TLN2: variants seen among roughly 807,000 people sequenced by gnomAD.
TLN2 encodes the protein talin 2, also known as talin-2.
A neutral mutation model predicts 294.7 loss-of-function variants in TLN2; 118 were observed. The observed-to-expected ratio is 0.40, with a 90% CI of 0.34 to 0.47. TLN2 has a LOEUF of 0.47. Among genes scored for constraint, TLN2 ranks in the 20% least tolerant of loss-of-function variants. The pLI is 0.84. For missense variants in TLN2, 3,083 were observed against 3,282.2 expected, an observed-to-expected ratio of 0.94 and a Z score of 1.48; for synonymous variants, 1,431 against 1,304.5, an observed-to-expected ratio of 1.10 and a Z score of -2.09.
chr15:62,698,019 A>T, intron 15 of TLN2, 151 bp downstream of exon 15: 1 of 1,027,704 alleles, frequency 9.7e-7, no homozygotes, highest in South Asian at 1.7e-5. Flanking sequence ...TTTAAATTGG[A>T]TGACTCGGAT....
intron 1 of TLN2, among the ~76,000 whole-genome samples, chr15:62,525,024 T>G (rs556031358): frequency 2.7e-4 from 41 of 152,236 alleles, no homozygotes; most frequent in Non-Finnish European, 5.7e-4. Flanking sequence ...ATAGTCATCG[T>G]GATAGCATCT....
chr15:62,490,419 A>G (rs949065791), intron 1 of TLN2, among the ~76,000 whole-genome samples: 3 of 152,220 alleles, frequency 2.0e-5, no homozygotes, highest in Non-Finnish European at 4.4e-5. Flanking sequence ...CTGTGGCAGT[A>G]GGGCCTTCAG....
intron 3 of TLN2, chr15:62,644,778 C>T (rs1309528979): frequency 5.7e-6 from 2 of 349,330 alleles, no homozygotes; most frequent in African/African-American, 4.3e-5. Flanking sequence ...CCTGCTGTTA[C>T]ATTTGGCTCT....
intron 42 of TLN2, among the ~76,000 whole-genome samples, chr15:62,775,386 C>G (rs1322730794): frequency 6.6e-6 from 1 of 152,170 alleles, no homozygotes; most frequent in African/African-American, 2.4e-5. Context: ...ATAAAGCAAT[C>G]TGCACATTTT....
At chr15:62,408,945 C>T (rs1393803945) in intron 1 of TLN2, among the ~76,000 whole-genome samples, 1 of 151,964 alleles carries the variant, frequency 6.6e-6, no homozygotes, top group Non-Finnish European at 1.5e-5. Flanking sequence ...CAGGTGACAG[C>T]CAGCATGCCT....
At position 62,469,344 on chromosome 15, in the gene TLN2, G is replaced by T. The variant is rs147609176; in HGVS notation, c.-238+78659G>T. On this transcript the variant is annotated intron_variant, in intron 1 of 58. Coordinates refer to ENST00000636159, the MANE Select transcript of TLN2 (RefSeq NM_015059.3). ...CACACACAGTGAATCAGAAGACAAAGTGTGTGAGTTGATCTGTCTCAAAAG... is the reference window on the plus strand; with the variant it reads ...CACACACAGTGAATCAGAAGACAAATTGTGTGAGTTGATCTGTCTCAAAAG... Among the ~76,000 whole-genome samples, 204 of 152,322 alleles carry T rather than the reference G, an allele frequency of 1.3e-3. 1 individual carries two copies. The highest frequency in any genetic ancestry group is 4.6e-3 in the African/African-American group (193 of 41,564).
Position 62,675,230 on chromosome 15 carries a change from G to C in TLN2, c.866G>C (p.Cys289Ser). ...TCACTTTTGCAGGAGCATAAGAACT[G>C]CGGAGAGATGAGTGAGATAGAAGCC... Reference protein sequence around the residue: ...EKRIFQEHKNCGEMSEIEAKV... With the variant: ...EKRIFQEHKNSGEMSEIEAKV... The change falls in exon 11 of 59, where the codon TGC becomes TCC. Residue 289 changes from cysteine to serine, a missense_variant. Coordinates refer to ENST00000636159, the MANE Select transcript of TLN2 (RefSeq NM_015059.3). 6.2e-7 allele frequency: 1 copy of C among 1,614,226 alleles called. No homozygotes were observed. Among genetic ancestry groups the C allele is most frequent in the Non-Finnish European group, 8.5e-7 (1 of 1,180,038 alleles).
chr15:62,435,945 A>C (rs544416456), intron 1 of TLN2, among the ~76,000 whole-genome samples: 1 of 152,290 alleles, frequency 6.6e-6, no homozygotes, highest in South Asian at 2.1e-4. Context: ...AATTTGTTTT[A>C]TGTAGTCAAA....
At chr15:62,584,495 C>T (rs185239238) in intron 1 of TLN2, among the ~76,000 whole-genome samples, 12 of 152,310 alleles carry the variant, frequency 7.9e-5, no homozygotes, top group Non-Finnish European at 1.0e-4. Context: ...TGTCTACTTG[C>T]TCTTCATTGA....
intron 1 of TLN2, among the ~76,000 whole-genome samples, chr15:62,477,501 C>T (rs1402192177): frequency 6.6e-6 from 1 of 152,150 alleles, no homozygotes; most frequent in African/African-American, 2.4e-5. Context: ...AACCTGTTAC[C>T]ATCACCTGCA....
At chr15:62,699,308 C>T (rs989999838) in intron 16 of TLN2, among the ~76,000 whole-genome samples, 5 of 152,136 alleles carry the variant, frequency 3.3e-5, no homozygotes, top group African/African-American at 7.2e-5. Context: ...TATTGCTACC[C>T]GTGGTTCTCA....
chr15:62,486,893 A>G (rs573287025), intron 1 of TLN2, among the ~76,000 whole-genome samples: 23 of 151,740 alleles, frequency 1.5e-4, no homozygotes, highest in African/African-American at 5.6e-4. Flanking sequence ...CGATACAGGT[A>G]GAAGGGCTAA....
Position 62,530,976 on chromosome 15 carries a change from A to G in TLN2, c.-237-58711A>G, listed in dbSNP as rs1459252880. The stretch of plus-strand genomic sequence containing the variant: ...TTAGAGCTCTTAATTAAGTTAGTCT[A>G]TTGTTTTAGTCGTGAATAATTTTTC... On this transcript the variant is annotated intron_variant, in intron 1 of 58. Coordinates refer to ENST00000636159, the MANE Select transcript of TLN2 (RefSeq NM_015059.3). Among the ~76,000 whole-genome samples the G allele has an allele frequency of 2.6e-5, 4 of 152,080 alleles. No individual in the cohort carries two copies. The East Asian group carries it at 5.8e-4, about 22-fold the overall frequency.
Position 62,777,359 on chromosome 15 carries a change from A to G in TLN2, c.5514+449A>G, listed in dbSNP as rs576141167. Among the ~76,000 whole-genome samples the G allele has an allele frequency of 2.1e-4, 32 of 152,192 alleles. No homozygotes were observed. The South Asian group carries it at 6.4e-3, about 31-fold the overall frequency. ...CGAGACCAGCCTGACCAACATGGTA[A>G]AACCCTGTTTCTACTAAAAATACAA... On this transcript the variant is annotated intron_variant, in intron 43 of 58. Transcript: ENST00000636159.
In TLN2 at chr15:62,763,673, C is replaced by T. The variant is rs147117916; in HGVS notation, c.5072C>T (p.Thr1691Met). 2,123 of 1,610,892 alleles carry T rather than the reference C, an allele frequency of 1.3e-3. 17 individuals are homozygous for T. The East Asian group carries it at 0.015, about 11-fold the overall frequency. Residue 1691 changes from threonine (T) to methionine (M), a missense_variant, in exon 40 of 59, where the codon ACG (threonine) becomes ATG (methionine). Coordinates refer to ENST00000636159, the MANE Select transcript of TLN2 (RefSeq NM_015059.3). ...GCCGCCGTCAGCCAGAGCCTGGCCA[C>T]GAGGGACGACATCTCTGTGGAGGTA... ...SLAAVSQSLA[T>M]RDDISVEALQ... is the part of the protein sequence containing the mutation.
intron 12 of TLN2, among the ~76,000 whole-genome samples, chr15:62,689,846 C>CTTT (rs1158144919): frequency 0.017 from 263 of 15,398 alleles, 46 homozygotes; most frequent in East Asian, 0.036. Flanking sequence ...GTATGGGCTT[C>CTTT]TTTTTTTTTT....
At chr15:62,452,428 T>C (rs1429773401) in intron 1 of TLN2, among the ~76,000 whole-genome samples, 1 of 152,212 alleles carries the variant, frequency 6.6e-6, no homozygotes, top group Non-Finnish European at 1.5e-5. Flanking sequence ...CGTCGACAGT[T>C]TAAAAACACA....
At chr15:62,732,755 G>A (rs1156810588) in intron 28 of TLN2, among the ~76,000 whole-genome samples, 1 of 152,304 alleles carries the variant, frequency 6.6e-6, no homozygotes, top group Non-Finnish European at 1.5e-5. Flanking sequence ...TTGGTGACTG[G>A]TTAGAAGTTG....
chr15:62,515,503 A>G lies in TLN2; in HGVS notation c.-237-74184A>G, dbSNP rs116460679. On this transcript the variant is annotated intron_variant, in intron 1 of 58. Transcript: ENST00000636159. Reference sequence around the variant, plus strand: ...TCCTTTTCTTTGAAATATAACTATAACAGATCCTATTATGTGTTGGGTTTA... The same window carrying G: ...TCCTTTTCTTTGAAATATAACTATAGCAGATCCTATTATGTGTTGGGTTTA... Among the ~76,000 whole-genome samples, 888 of 152,334 alleles carry G rather than the reference A, an allele frequency of 5.8e-3. 14 individuals are homozygous for G. The highest frequency in any genetic ancestry group is 0.019 in the African/African-American group (802 of 41,580).
Sources: gnomAD v4.1 joint callset for allele counts (sites outside exome capture counted in the v4.1 genomes callset) on GRCh38, gnomAD v4.1.1 for gene constraint, MANE v1.5 for transcripts, NCBI Gene and HGNC (gene_info 2026-07-23, HGNC 2026-07-21) for gene names.